The following LMX1A variants were observed in gnomAD, a reference collection of about 807,000 sequenced individuals.
LMX1A encodes the protein LIM homeobox transcription factor 1-alpha.
Under a neutral mutation model 49.1 loss-of-function variants are expected in LMX1A, and 15 were observed. That is an observed-to-expected ratio of 0.31 (90% CI 0.20 to 0.47). LMX1A has a LOEUF of 0.47. LMX1A is among the 20% of genes least tolerant of loss of function. The pLI is 1.00. For missense variants in LMX1A, 372 were observed against 475.8 expected (o/e 0.78, Z 2.03); for synonymous variants, 167 against 185.7 (o/e 0.90, Z 0.82).
At chr1:165,292,075 A>C (rs868020562) in intron 3 of LMX1A, among the ~76,000 whole-genome samples, 6,776 of 150,884 alleles carry the variant, frequency 0.045, 564 homozygotes, top group African/African-American at 0.16. Flanking sequence ...AAAAAAAAAA[A>C]AAAAAAAAAA....
At chr1:165,206,526 C>G (rs1651088138) in intron 7 of LMX1A, among the ~76,000 whole-genome samples, 1 of 152,200 alleles carries the variant, frequency 6.6e-6, no homozygotes, top group Non-Finnish European at 1.5e-5. Context: ...AGAACAGAGA[C>G]TATTTCCCAC....
At chr1:165,275,828 GGCGCTGGGGTGT>G (rs1254699663) in intron 3 of LMX1A, among the ~76,000 whole-genome samples, 1 of 146,174 alleles carries the variant, frequency 6.8e-6, no homozygotes, top group Non-Finnish European at 1.5e-5. Flanking sequence ...GAGCTTTTAT[GGCGCTGGGGTGT>G]GTGTGTATGT....
At position 165,202,768 on chromosome 1, in the gene LMX1A, A is replaced by T. The variant is rs16840972; in HGVS notation, c.*1112T>A. 1 of 152,448 alleles carries T rather than the reference A, an allele frequency of 6.6e-6. No homozygotes were observed. The highest frequency in any genetic ancestry group is 6.5e-5 in the Admixed American group (1 of 15,270). 9.4% of individuals were successfully genotyped at this position (152,448 alleles called of 1,614,324 possible). On this transcript the variant is annotated 3_prime_UTR_variant, in exon 9 of 9. Coordinates refer to ENST00000342310, the MANE Select transcript of LMX1A (RefSeq NM_177398.4). Reference sequence around the variant, plus strand: ...ACTGCTCTGAGCTGGTGTCTCCTTCAGCACAGGCTTTGCAGAGGGACTTCA... The same window carrying T: ...ACTGCTCTGAGCTGGTGTCTCCTTCTGCACAGGCTTTGCAGAGGGACTTCA...
intron 4 of LMX1A, among the ~76,000 whole-genome samples, chr1:165,225,631 C>G (rs145683931): frequency 6.6e-6 from 1 of 152,336 alleles, no homozygotes; most frequent in Non-Finnish European, 1.5e-5. Context: ...ATAGTCTGGA[C>G]TCTAGGGCAG....
At chr1:165,288,807 C>G (rs907986855) in intron 3 of LMX1A, among the ~76,000 whole-genome samples, 4 of 152,230 alleles carry the variant, frequency 2.6e-5, no homozygotes, top group African/African-American at 9.6e-5. Flanking sequence ...TTCATGGTGC[C>G]TTATTGCTGT....
rs569255228 is a variant in LMX1A, at chr1:165,276,772, G to T, written c.264-27132C>A. 2.5e-3 allele frequency among the ~76,000 whole-genome samples: 376 copies of T among 152,320 alleles called. 1 individual carries two copies. Among genetic ancestry groups the T allele is most frequent in the African/African-American group, 8.4e-3 (348 of 41,562 alleles). Reference sequence around the variant, plus strand: ...AAGCATACAATTAGGAAGTTAAGAAGGAGGATAGCATCAGTAAGATAATGC... The same window carrying T: ...AAGCATACAATTAGGAAGTTAAGAATGAGGATAGCATCAGTAAGATAATGC... On this transcript the variant is annotated intron_variant, in intron 3 of 8. Coordinates refer to ENST00000342310, the MANE Select transcript of LMX1A (RefSeq NM_177398.4).
intron 4 of LMX1A, among the ~76,000 whole-genome samples, chr1:165,226,129 C>T (rs957430009): frequency 1.3e-4 from 20 of 152,308 alleles, no homozygotes; most frequent in Admixed American, 1.2e-3. Context: ...AGGGCTGGCC[C>T]TTGTTGTGCA....
chr1:165,230,352 T>C (rs890960340), intron 4 of LMX1A, among the ~76,000 whole-genome samples: 2 of 152,210 alleles, frequency 1.3e-5, no homozygotes, highest in African/African-American at 2.4e-5. Context: ...AATTTTATTA[T>C]AGTGGTTTAA....
intron 3 of LMX1A, among the ~76,000 whole-genome samples, chr1:165,320,832 G>A (rs921595277): frequency 6.6e-6 from 1 of 152,132 alleles, no homozygotes; most frequent in African/African-American, 2.4e-5. Flanking sequence ...AATTCCATGT[G>A]ATAAGTCAGA....
chr1:165,217,038 T>G (rs1651665681), intron 4 of LMX1A, among the ~76,000 whole-genome samples: 1 of 152,194 alleles, frequency 6.6e-6, no homozygotes, highest in Non-Finnish European at 1.5e-5. Context: ...GACATATTCT[T>G]AGTTCTGACA....
chr1:165,269,544 G>A (rs1432234646), intron 3 of LMX1A, among the ~76,000 whole-genome samples: 1 of 152,122 alleles, frequency 6.6e-6, no homozygotes, highest in Non-Finnish European at 1.5e-5. Context: ...CCATTACTGG[G>A]TATATACACA....
At chr1:165,245,469 T>A (rs2102633332) in intron 4 of LMX1A, among the ~76,000 whole-genome samples, 1 of 152,304 alleles carries the variant, frequency 6.6e-6, no homozygotes, top group East Asian at 1.9e-4. Flanking sequence ...GACTCTCATA[T>A]GTTCCTTGGC....
chr1:165,245,687 T>C (rs1473874221), intron 4 of LMX1A, among the ~76,000 whole-genome samples: 2 of 152,068 alleles, frequency 1.3e-5, no homozygotes, highest in South Asian at 2.1e-4. Context: ...TGTAGTTCTA[T>C]TAATGCAGCA....
intron 3 of LMX1A, among the ~76,000 whole-genome samples, chr1:165,270,990 C>T (rs758760006): frequency 6.6e-6 from 1 of 152,170 alleles, no homozygotes; most frequent in Non-Finnish European, 1.5e-5. Flanking sequence ...CCAGCCATTT[C>T]CCTCCCAATC....
intron 4 of LMX1A, among the ~76,000 whole-genome samples, chr1:165,249,192 T>C (rs868773452): frequency 2.0e-5 from 3 of 152,310 alleles, no homozygotes; most frequent in South Asian, 2.1e-4. Context: ...CCATGGAATT[T>C]GAGGGTAATT....
intron 3 of LMX1A, among the ~76,000 whole-genome samples, chr1:165,251,346 G>T (rs976182863): frequency 6.6e-6 from 1 of 152,192 alleles, no homozygotes; most frequent in Non-Finnish European, 1.5e-5. Context: ...GCCTCCCAAA[G>T]TGCTAGGATT....
chr1:165,302,011 C>A (rs1009209019), intron 3 of LMX1A, among the ~76,000 whole-genome samples: 1 of 152,118 alleles, frequency 6.6e-6, no homozygotes, highest in Non-Finnish European at 1.5e-5. Flanking sequence ...AACTGTAAGG[C>A]CTGAATTTTG....
intron 3 of LMX1A, among the ~76,000 whole-genome samples, chr1:165,261,102 T>C (rs1268716033): frequency 1.3e-5 from 2 of 152,104 alleles, no homozygotes; most frequent in African/African-American, 4.8e-5. Context: ...AAGCTCAGGG[T>C]CCTGAATCCC....
intron 3 of LMX1A, among the ~76,000 whole-genome samples, chr1:165,344,985 C>T (rs929231274): frequency 6.6e-6 from 1 of 152,192 alleles, no homozygotes; most frequent in African/African-American, 2.4e-5. Context: ...ATATTCGGAC[C>T]CTCCTGCAGA....
Sources: gnomAD v4.1 joint callset for allele counts (sites outside exome capture counted in the v4.1 genomes callset) on GRCh38, gnomAD v4.1.1 for gene constraint, MANE v1.5 for transcripts, NCBI Gene and HGNC (gene_info 2026-07-23, HGNC 2026-07-21) for gene names.